SBF2: variants seen among roughly 807,000 people sequenced by gnomAD.
SBF2 encodes the protein myotubularin-related protein 13.
In SBF2, 112 loss-of-function variants were observed where a neutral mutation model predicts 225.2. That is an observed-to-expected ratio of 0.50 (90% CI 0.43 to 0.58). The LOEUF (loss-of-function observed/expected upper bound fraction) is 0.58, where lower values mean the gene tolerates loss of function less well. Ranked by LOEUF, SBF2 falls within the 20% of genes least tolerant of loss-of-function variation. The pLI is 0.00. For missense variants in SBF2, 1,996 were observed against 2,206.2 expected (o/e 0.90, Z 1.91); for synonymous variants, 763 against 773.3 (o/e 0.99, Z 0.22).
intron 1 of SBF2, among the ~76,000 whole-genome samples, chr11:10,220,067 C>A (rs955095329): frequency 1.3e-5 from 2 of 152,160 alleles, no homozygotes; most frequent in Admixed American, 6.5e-5. Context: ...TAAAGACACA[C>A]CAGAGACTGC....
At chr11:10,177,076 A>G (rs1448709100) in intron 2 of SBF2, among the ~76,000 whole-genome samples, 3 of 152,018 alleles carry the variant, frequency 2.0e-5, no homozygotes, top group Admixed American at 1.3e-4. Context: ...TATAAACAGA[A>G]CCAAAGACAA....
intron 6 of SBF2, among the ~76,000 whole-genome samples, chr11:10,026,140 C>G (rs16907396): frequency 0.034 from 5,090 of 151,546 alleles, 302 homozygotes; most frequent in East Asian, 0.18. Context: ...GTCCTTGACG[C>G]TAAATGCTGG....
rs1231329566 is a variant in SBF2, at chr11:10,149,839, A to G, written c.141+44063T>C. ...GGACAGGGAAAGATGGTCTTTCACT[A>G]TGTGACTCAATGACATTTTGTCTAC... is the stretch of plus-strand genomic sequence containing the variant. On this transcript the variant is annotated intron_variant, in intron 2 of 39. Coordinates refer to ENST00000256190, the MANE Select transcript of SBF2 (RefSeq NM_030962.4). Among the ~76,000 whole-genome samples the G allele has an allele frequency of 2.6e-5, 4 of 152,168 alleles. No individual in the cohort carries two copies. In the East Asian group the frequency reaches 5.8e-4, roughly 22 times the overall value.
chr11:10,210,037 G>C (rs1357286388), intron 1 of SBF2, among the ~76,000 whole-genome samples: 2 of 152,138 alleles, frequency 1.3e-5, no homozygotes, highest in African/African-American at 4.8e-5. Flanking sequence ...GGGCACAGTG[G>C]CTCATGCCTG....
At chr11:10,082,607 C>G (rs1243249687) in intron 2 of SBF2, among the ~76,000 whole-genome samples, 2 of 152,060 alleles carry the variant, frequency 1.3e-5, no homozygotes, top group Admixed American at 1.3e-4. Flanking sequence ...ATGTGATTCA[C>G]TAGATAAACA....
chr11:9,854,961 G>A (rs1169149377), intron 19 of SBF2, among the ~76,000 whole-genome samples: 1 of 152,208 alleles, frequency 6.6e-6, no homozygotes, highest in Non-Finnish European at 1.5e-5. Context: ...ACTGGCAATG[G>A]AGAATGGAGA....
intron 1 of SBF2, among the ~76,000 whole-genome samples, chr11:10,249,072 G>C (rs2135481654): frequency 6.6e-6 from 1 of 151,898 alleles, no homozygotes; most frequent in Non-Finnish European, 1.5e-5. Flanking sequence ...CTCCAGCCTG[G>C]GTGACAGAGC....
intron 2 of SBF2, among the ~76,000 whole-genome samples, chr11:10,174,837 A>G (rs1427285416): frequency 6.6e-6 from 1 of 151,722 alleles, no homozygotes; most frequent in African/African-American, 2.4e-5. Context: ...ACAAGCCAGA[A>G]GACAGTGGGG....
chr11:9,949,861 G>A lies in SBF2; in HGVS notation c.1860+12096C>T, dbSNP rs138449502. 1.1e-4 allele frequency among the ~76,000 whole-genome samples: 17 copies of A among 152,114 alleles called. No homozygotes were observed. In the East Asian group the frequency reaches 3.3e-3, roughly 29 times the overall value. ...CATTTACATAAATTAAAATACACAT[G>A]TAGTAAACAATATACATTTTTCAAG... is the stretch of plus-strand genomic sequence containing the variant. On this transcript the variant is annotated intron_variant, in intron 16 of 39. Transcript: ENST00000256190.
chr11:9,922,563 G>T (rs1305817644), intron 16 of SBF2, among the ~76,000 whole-genome samples: 4 of 148,548 alleles, frequency 2.7e-5, no homozygotes, highest in Admixed American at 6.8e-5. Context: ...TTATTTATGT[G>T]AATTCAAAAC....
intron 1 of SBF2, among the ~76,000 whole-genome samples, chr11:10,202,519 C>T (rs1201032031): frequency 6.6e-6 from 1 of 152,226 alleles, no homozygotes. Flanking sequence ...AGCGAGGGGG[C>T]TCAGGCCTGT....
rs1443115092 is a variant in SBF2, at chr11:9,833,943, T to C, written c.3456-1523A>G. ...GTGCCACCACGCCTGGCTAATTTTG[T>C]ATTTTTAGCAGAGACAGGGTTTCTC... On this transcript the variant is annotated intron_variant, in intron 26 of 39. Coordinates refer to ENST00000256190, the MANE Select transcript of SBF2 (RefSeq NM_030962.4). Among the ~76,000 whole-genome samples, 4 of 150,672 alleles carry C rather than the reference T, an allele frequency of 2.7e-5. No individual in the cohort carries two copies. In the East Asian group the frequency reaches 7.8e-4, roughly 30 times the overall value.
At chr11:9,906,925 C>T (rs1027620242) in intron 16 of SBF2, among the ~76,000 whole-genome samples, 3 of 152,140 alleles carry the variant, frequency 2.0e-5, no homozygotes, top group Non-Finnish European at 2.9e-5. Flanking sequence ...AACCTAGATA[C>T]CTTTGAACTG....
Position 9,853,530 on chromosome 11 carries a change from G to A in SBF2, c.2536+10C>T. 6.2e-7 allele frequency: 1 copy of A among 1,611,398 alleles called. No individual in the cohort carries two copies. Among genetic ancestry groups the A allele is most frequent in the Non-Finnish European group, 8.5e-7 (1 of 1,177,612 alleles). On this transcript the variant is annotated intron_variant, in intron 20 of 39. Coordinates refer to ENST00000256190, the MANE Select transcript of SBF2 (RefSeq NM_030962.4). ...ATATTCTGATTCTCTAATATCTGCA[G>A]AGTGATTACCTGGTATCATGCAATG...
intron 32 of SBF2, among the ~76,000 whole-genome samples, chr11:9,800,582 T>C (rs1853432199): frequency 1.3e-5 from 2 of 152,092 alleles, no homozygotes; most frequent in Admixed American, 1.3e-4. Flanking sequence ...AATTTTTTTG[T>C]ATTTTTAGTA....
In SBF2 at chr11:10,169,721, G is replaced by GT. The variant is rs973012743; in HGVS notation, c.141+24180dup. Among the ~76,000 whole-genome samples the GT allele has an allele frequency of 1.1e-4, 16 of 152,264 alleles. No individual in the cohort carries two copies. In the East Asian group the frequency reaches 3.1e-3, roughly 29 times the overall value. On this transcript the variant is annotated intron_variant, in intron 2 of 39. Transcript: ENST00000256190. ...AGCAGTGGAATTGCTAGATCATATG[G>GT]TAGCTCTATTTTCAGTTTTTTGAGG...
chr11:10,150,324 T>C (rs1484273210), intron 2 of SBF2, among the ~76,000 whole-genome samples: 1 of 152,162 alleles, frequency 6.6e-6, no homozygotes, highest in Non-Finnish European at 1.5e-5. Flanking sequence ...TAAAGATAAA[T>C]TATCTTAGTC....
At chr11:9,851,785 T>G (rs1231348281) in intron 21 of SBF2, among the ~76,000 whole-genome samples, 1 of 152,144 alleles carries the variant, frequency 6.6e-6, no homozygotes, top group Non-Finnish European at 1.5e-5. Context: ...ATTTATTTAT[T>G]TATGAGACTG....
At chr11:9,919,032 G>GT (rs1863360659) in intron 16 of SBF2, among the ~76,000 whole-genome samples, 1 of 152,090 alleles carries the variant, frequency 6.6e-6, no homozygotes, top group Non-Finnish European at 1.5e-5. Context: ...GTGAGCCACT[G>GT]CATCTGGCTT....
Sources: gnomAD v4.1 joint callset for allele counts (sites outside exome capture counted in the v4.1 genomes callset) on GRCh38, gnomAD v4.1.1 for gene constraint, MANE v1.5 for transcripts, NCBI Gene and HGNC (gene_info 2026-07-23, HGNC 2026-07-21) for gene names.